DMD: variants seen among roughly 807,000 people sequenced by gnomAD.
The protein encoded by DMD is dystrophin.
DMD carries 63 observed loss-of-function variants against 330.1 expected under a neutral mutation model. The ratio of observed to expected loss-of-function variants is 0.19; its 90% CI spans 0.16 to 0.24. The LOEUF (loss-of-function observed/expected upper bound fraction) is 0.24, where lower values mean the gene tolerates loss of function less well. DMD is among the 10% of genes least tolerant of loss of function. DMD has a pLI of 1.00. For synonymous variants in DMD, 1,223 were observed against 959.8 expected (o/e 1.27, Z -5.07); for missense variants, 3,344 against 2,684.1 (o/e 1.25, Z -5.43).
At chrX:31,738,773 A>G (rs895271526) in intron 51 of DMD, among the ~76,000 whole-genome samples, 1 of 112,420 alleles carries the variant, frequency 8.9e-6, no homozygotes, top group African/African-American at 3.2e-5. Context: ...TGTCATCTGC[A>G]ACAACATTGT....
At position 32,053,987 on chromosome X, in the gene DMD, A is replaced by AT. The variant is rs1412092915; in HGVS notation, c.6439-85474dup. On this transcript the variant is annotated intron_variant, in intron 44 of 78. Coordinates refer to ENST00000357033, the MANE Select transcript of DMD (RefSeq NM_004006.3). ...ATTAAATGCACATAGGAAAATATTG[A>AT]TTTTGTCCATTAGACTTCTAAATCT... Among the ~76,000 whole-genome samples the AT allele has an allele frequency of 5.5e-5, 6 of 108,411 alleles. No homozygotes were observed. In the East Asian group the frequency reaches 1.2e-3, roughly 21 times the overall value. 94.1% of individuals were successfully genotyped at this position (108,411 alleles called of 115,157 possible). A position where few individuals can be genotyped will look rare whatever the true frequency, so the allele number is the denominator to read the frequency against.
At chrX:32,144,696 A>C (rs775980140) in intron 44 of DMD, among the ~76,000 whole-genome samples, 1 of 112,242 alleles carries the variant, frequency 8.9e-6, no homozygotes, top group Non-Finnish European at 1.9e-5. Flanking sequence ...TCATGATGTT[A>C]AACTATTATG....
At chrX:32,510,808 A>C (rs2045217512) in intron 18 of DMD, among the ~76,000 whole-genome samples, 1 of 111,499 alleles carries the variant, frequency 9.0e-6, no homozygotes. Context: ...CATATTAGTT[A>C]GGGAGTTGGG....
At chrX:31,937,417 T>G (rs2094937208) in intron 45 of DMD, among the ~76,000 whole-genome samples, 1 of 111,787 alleles carries the variant, frequency 8.9e-6, no homozygotes, top group South Asian at 3.7e-4. Context: ...ACGATATTTG[T>G]GGAAAACTTT....
intron 75 of DMD, 134 bp from the exon 76 acceptor site, chrX:31,146,548 T>G: frequency 1.6e-6 from 1 of 610,441 alleles, no homozygotes; most frequent in Non-Finnish European, 2.6e-6. Context: ...AAAGATTGTT[T>G]AATTTGGGAT....
chrX:32,956,544 T>C (rs1419938970), intron 2 of DMD, among the ~76,000 whole-genome samples: 1 of 111,894 alleles, frequency 8.9e-6, no homozygotes, highest in Non-Finnish European at 1.9e-5. Context: ...TTTTGGCACA[T>C]TGGTTTTGTA....
intron 48 of DMD, among the ~76,000 whole-genome samples, chrX:31,849,156 T>G (rs1239319376): frequency 1.8e-5 from 2 of 110,417 alleles, no homozygotes; most frequent in African/African-American, 6.6e-5. Context: ...ATATTAAGAA[T>G]ATATATCTCA....
At chrX:32,474,208 T>TACACACAC (rs3045001) in intron 21 of DMD, among the ~76,000 whole-genome samples, 164 of 41,318 alleles carry the variant, frequency 4.0e-3, no homozygotes, top group Admixed American at 0.015. Context: ...CATACATACA[T>TACACACAC]ACACACACAC....
At chrX:31,883,840 T>C (rs2094112390) in intron 47 of DMD, among the ~76,000 whole-genome samples, 1 of 110,249 alleles carries the variant, frequency 9.1e-6, no homozygotes, top group African/African-American at 3.3e-5. Context: ...AGGACATGAA[T>C]AGATATTTCT....
At chrX:31,980,855 C>G (rs748566418) in intron 44 of DMD, among the ~76,000 whole-genome samples, 23 of 111,680 alleles carry the variant, frequency 2.1e-4, no homozygotes, top group Non-Finnish European at 2.5e-4. Flanking sequence ...AAAATTTTAC[C>G]TCAATTAAGA....
intron 51 of DMD, among the ~76,000 whole-genome samples, chrX:31,769,599 G>A (rs2090214532): frequency 9.0e-6 from 1 of 111,295 alleles, no homozygotes; most frequent in South Asian, 3.8e-4. Flanking sequence ...GATAGCTGAT[G>A]AGCAAAAAAA....
intron 1 of DMD, among the ~76,000 whole-genome samples, chrX:33,286,858 A>G (rs750651178): frequency 8.9e-6 from 1 of 112,203 alleles, no homozygotes; most frequent in African/African-American, 3.2e-5. Context: ...AGTGGAAGTA[A>G]TTTGTGTCAA....
intron 2 of DMD, among the ~76,000 whole-genome samples, chrX:32,981,052 T>C (rs1018529380): frequency 2.7e-5 from 3 of 111,621 alleles, no homozygotes; most frequent in African/African-American, 9.8e-5. Flanking sequence ...CATTTCTGCT[T>C]TCTTAATTGG....
At chrX:32,063,467 G>A (rs983568065) in intron 44 of DMD, among the ~76,000 whole-genome samples, 6 of 110,749 alleles carry the variant, frequency 5.4e-5, no homozygotes, top group Non-Finnish European at 7.6e-5. Context: ...TGTTATTTAT[G>A]CTTTATGTAG....
intron 48 of DMD, among the ~76,000 whole-genome samples, chrX:31,845,361 G>A (rs2093399696): frequency 1.1e-5 from 1 of 93,978 alleles, no homozygotes; most frequent in Non-Finnish European, 2.1e-5. Flanking sequence ...AGGTGTTATA[G>A]AGGACAGAAT....
intron 2 of DMD, among the ~76,000 whole-genome samples, chrX:33,010,740 A>G (rs751925769): frequency 1.5e-4 from 17 of 111,184 alleles, no homozygotes; most frequent in African/African-American, 5.5e-4. Flanking sequence ...CTCAACTGGA[A>G]AAAGGTCATT....
intron 1 of DMD, among the ~76,000 whole-genome samples, chrX:33,096,867 A>G (rs749968843): frequency 1.8e-5 from 2 of 112,799 alleles, no homozygotes; most frequent in Admixed American, 9.4e-5. Flanking sequence ...AACCACACAA[A>G]CTGCAAGAAC....
intron 62 of DMD, among the ~76,000 whole-genome samples, chrX:31,278,506 G>A (rs958946333): frequency 9.0e-6 from 1 of 111,438 alleles, no homozygotes; most frequent in East Asian, 2.8e-4. Context: ...CCAGCTGTTC[G>A]TTTGGGTGGC....
chrX:31,958,790 G>A (rs2095271985), intron 45 of DMD, among the ~76,000 whole-genome samples: 1 of 111,849 alleles, frequency 8.9e-6, no homozygotes, highest in African/African-American at 3.3e-5. Context: ...TTCAGCCCTT[G>A]TCTTCCTCCT....
Sources: allele counts gnomAD v4.1 joint callset (sites outside exome capture counted in the v4.1 genomes callset), GRCh38; gene constraint gnomAD v4.1.1; transcripts MANE v1.5; gene names NCBI Gene and HGNC (gene_info 2026-07-23, HGNC 2026-07-21).